The following SLC14A2 variants were observed in gnomAD, a reference collection of about 807,000 sequenced individuals.
SLC14A2 encodes urea transporter 2.
Under a neutral mutation model 104.6 loss-of-function variants are expected in SLC14A2, and 91 were observed. The ratio of observed to expected loss-of-function variants is 0.87; its 90% CI spans 0.73 to 1.04. The LOEUF (loss-of-function observed/expected upper bound fraction) is 1.04. Ranked by LOEUF, SLC14A2 falls within the 50% of genes least tolerant of loss-of-function variation. SLC14A2 has a pLI of 0.00. For synonymous variants in SLC14A2, 476 were observed against 466.4 expected, an observed-to-expected ratio of 1.02 and a Z score of -0.27; for missense variants, 1,189 against 1,156.0, an observed-to-expected ratio of 1.03 and a Z score of -0.41.
intron 10 of SLC14A2, among the ~76,000 whole-genome samples, chr18:45,650,187 A>G (rs1266734341): frequency 6.6e-6 from 1 of 152,176 alleles, no homozygotes; most frequent in Non-Finnish European, 1.5e-5. Flanking sequence ...TGACCAGGCC[A>G]GTGATTTAGG....
At chr18:45,398,862 A>G (rs1211111196) in intron 1 of SLC14A2, among the ~76,000 whole-genome samples, 1 of 152,222 alleles carries the variant, frequency 6.6e-6, no homozygotes, top group Admixed American at 6.5e-5. Flanking sequence ...CGATGTGTAC[A>G]GACTATCAGT....
the SLC14A2 span, among the ~76,000 whole-genome samples, chr18:45,201,099 A>G: frequency 6.6e-6 from 1 of 152,008 alleles, no homozygotes; most frequent in East Asian, 1.9e-4. Flanking sequence ...TCATGTTTTA[A>G]TTCTGAGTAG....
At chr18:45,220,936 C>T (rs2084055595) in intron 1 of SLC14A2, among the ~76,000 whole-genome samples, 1 of 152,174 alleles carries the variant, frequency 6.6e-6, no homozygotes, top group Non-Finnish European at 1.5e-5. Flanking sequence ...TGTGTATGTA[C>T]ATTCCTGGTG....
intron 1 of SLC14A2, among the ~76,000 whole-genome samples, chr18:45,291,153 C>T (rs1319374169): frequency 6.6e-6 from 1 of 152,110 alleles, no homozygotes. Context: ...GACATGAAAA[C>T]ACAAAACAAT....
upstream of SLC14A2, among the ~76,000 whole-genome samples, chr18:45,210,694 C>T (rs1976534017): frequency 6.6e-6 from 1 of 152,192 alleles, no homozygotes; most frequent in Admixed American, 6.5e-5. Flanking sequence ...TTGGCCTCAG[C>T]TTGCCCTTGG....
chr18:45,315,373 G>A (rs1351717164), intron 1 of SLC14A2, among the ~76,000 whole-genome samples: 1 of 152,146 alleles, frequency 6.6e-6, no homozygotes, highest in Non-Finnish European at 1.5e-5. Flanking sequence ...ATTGTTTAGT[G>A]CCTTACCCAG....
At chr18:45,480,316 C>A (rs1007560311) in intron 1 of SLC14A2, among the ~76,000 whole-genome samples, 6 of 152,238 alleles carry the variant, frequency 3.9e-5, no homozygotes, top group Non-Finnish European at 8.8e-5. Flanking sequence ...TCTTTCTTTT[C>A]TTTCTTCACC....
upstream of SLC14A2, chr18:45,615,461 G>A (rs925459838): frequency 6.6e-6 from 1 of 152,104 alleles, no homozygotes; most frequent in Admixed American, 6.5e-5. Flanking sequence ...TAAGTGTTTG[G>A]CAAGTTCCTG....
At chr18:45,613,255 C>G (rs965307967), upstream of SLC14A2, among the ~76,000 whole-genome samples, 1 of 152,096 alleles carries the variant, frequency 6.6e-6, no homozygotes, top group Non-Finnish European at 1.5e-5. Context: ...ATCTCCTGAC[C>G]TCGTGATCCG....
intron 2 of SLC14A2, among the ~76,000 whole-genome samples, chr18:45,581,119 G>T (rs913991466): frequency 2.6e-5 from 4 of 152,166 alleles, no homozygotes; most frequent in Admixed American, 6.5e-5. Flanking sequence ...CACTGTGAAG[G>T]GAGGGTGGAG....
At chr18:45,174,081 G>A in the SLC14A2 span, among the ~76,000 whole-genome samples, 6 of 152,050 alleles carry the variant, frequency 3.9e-5, no homozygotes, top group Middle Eastern at 3.2e-3. Flanking sequence ...TTTTTGCATT[G>A]ATTATGTTTC....
rs529965016 is a variant in SLC14A2, at chr18:45,654,919, C to T, written c.1352-8866C>T. ...GTTTGGTTTCCAGGGCAGCACTGTG[C>T]TGAGTTGGGCCTCTGGGATGTCACC... is the stretch of plus-strand genomic sequence containing the variant. On this transcript the variant is annotated intron_variant, in intron 10 of 19. Coordinates refer to ENST00000255226, the MANE Select transcript of SLC14A2 (RefSeq NM_007163.4). Among the ~76,000 whole-genome samples the T allele has an allele frequency of 1.4e-4, 21 of 152,316 alleles. No homozygotes were observed. In the East Asian group the frequency reaches 4.1e-3, roughly 29 times the overall value.
intron 1 of SLC14A2, among the ~76,000 whole-genome samples, chr18:45,408,432 T>A (rs768777629): frequency 3.9e-5 from 6 of 152,158 alleles, no homozygotes; most frequent in Admixed American, 1.3e-4. Context: ...CCACCCTGAG[T>A]GAAGCTGGAA....
intron 1 of SLC14A2, among the ~76,000 whole-genome samples, chr18:45,391,023 C>A (rs962751206): frequency 4.6e-5 from 7 of 152,114 alleles, no homozygotes; most frequent in African/African-American, 1.7e-4. Flanking sequence ...TGGTGTGCTG[C>A]ATCCATTAAC....
chr18:45,301,092 A>G (rs547446745), intron 1 of SLC14A2, among the ~76,000 whole-genome samples: 1 of 152,340 alleles, frequency 6.6e-6, no homozygotes, highest in African/African-American at 2.4e-5. Flanking sequence ...GGCCAGAGGC[A>G]CAGTGCTCAC....
At chr18:45,539,433 G>C in intron 2 of SLC14A2, among the ~76,000 whole-genome samples, 1 of 152,218 alleles carries the variant, frequency 6.6e-6, no homozygotes, top group Non-Finnish European at 1.5e-5. Flanking sequence ...GGCCAATGGA[G>C]TTTGTGAGTT....
chr18:45,452,301 C>T (rs1197781224), intron 1 of SLC14A2, among the ~76,000 whole-genome samples: 1 of 152,176 alleles, frequency 6.6e-6, no homozygotes, highest in Non-Finnish European at 1.5e-5. Context: ...ACCCAAAATA[C>T]AAGGATAATG....
intron 1 of SLC14A2, among the ~76,000 whole-genome samples, chr18:45,244,814 T>A (rs2084352795): frequency 6.6e-6 from 1 of 152,122 alleles, no homozygotes; most frequent in African/African-American, 2.4e-5. Context: ...AAAGACAGTT[T>A]TAAACTCTCT....
chr18:45,405,896 C>CA (rs1445870173), intron 1 of SLC14A2, among the ~76,000 whole-genome samples: 1,051 of 73,964 alleles, frequency 0.014, 16 homozygotes, highest in Non-Finnish European at 0.02. Context: ...GACTCCATCT[C>CA]GAAAAAAAAA....
Sources: allele counts gnomAD v4.1 joint callset (sites outside exome capture counted in the v4.1 genomes callset), GRCh38; gene constraint gnomAD v4.1.1; transcripts MANE v1.5; gene names NCBI Gene and HGNC (gene_info 2026-07-23, HGNC 2026-07-21).